Variants in LHCGR observed in about 807,000 individuals in gnomAD.
The protein encoded by LHCGR is luteinizing hormone/choriogonadotropin receptor.
Under a neutral mutation model 60.7 loss-of-function variants are expected in LHCGR, and 55 were observed. The ratio of observed to expected loss-of-function variants is 0.91; its 90% CI spans 0.73 to 1.13. The LOEUF (loss-of-function observed/expected upper bound fraction) is 1.13. Ranked by LOEUF, LHCGR falls within the 50% of genes most tolerant of loss-of-function variation. LHCGR has a pLI of 0.00. For missense variants in LHCGR, 862 were observed against 836.0 expected (o/e 1.03, Z -0.38); for synonymous variants, 337 against 316.5 (o/e 1.06, Z -0.69).
At position 48,749,765 on chromosome 2, in the gene LHCGR, C is replaced by T. The variant is rs775842690; in HGVS notation, c.161+5746G>A. On this transcript the variant is annotated intron_variant, in intron 1 of 10. Coordinates refer to ENST00000294954, the MANE Select transcript of LHCGR (RefSeq NM_000233.4). ...AAGAAAAACCCAAGGAATTACTACT[C>T]TCCAAGGAGGGAGCTGGGTCCAATG... Among the ~76,000 whole-genome samples, 6 of 151,430 alleles carry T rather than the reference C, an allele frequency of 4.0e-5. No homozygotes were observed. The South Asian group carries it at 8.4e-4, about 21-fold the overall frequency.
chr2:48,748,819 G>A (rs1210958969), intron 1 of LHCGR, among the ~76,000 whole-genome samples: 1 of 152,132 alleles, frequency 6.6e-6, no homozygotes, highest in African/African-American at 2.4e-5. Context: ...TTTACAGACA[G>A]CAAAGAGATT....
intron 8 of LHCGR, among the ~76,000 whole-genome samples, chr2:48,707,452 C>T (rs754315953): frequency 6.6e-6 from 1 of 152,262 alleles, no homozygotes; most frequent in Non-Finnish European, 1.5e-5. Flanking sequence ...CTCTTCAGAG[C>T]TGTCAGGCAG....
At chr2:48,696,603 A>G (rs918294354) in intron 9 of LHCGR, among the ~76,000 whole-genome samples, 2 of 152,188 alleles carry the variant, frequency 1.3e-5, no homozygotes, top group Non-Finnish European at 2.9e-5. Context: ...ATAAATGAAA[A>G]TAAGCCACAC....
At position 48,749,088 on chromosome 2, in the gene LHCGR, A is replaced by T. The variant is rs4074647; in HGVS notation, c.161+6423T>A. On this transcript the variant is annotated intron_variant, in intron 1 of 10. Transcript: ENST00000294954. Reference sequence around the variant, plus strand: ...AAGGACAAGTGTAACAGCAGCAAGGAATTAAATCTTCATTCTGAAAGTTGA... The same window carrying T: ...AAGGACAAGTGTAACAGCAGCAAGGTATTAAATCTTCATTCTGAAAGTTGA... Among the ~76,000 whole-genome samples, 5 of 152,246 alleles carry T rather than the reference A, an allele frequency of 3.3e-5. No homozygotes were observed. The East Asian group carries it at 5.8e-4, about 18-fold the overall frequency.
intron 3 of LHCGR, 32 bp downstream of exon 3, chr2:48,729,121 C>T: frequency 1.3e-6 from 2 of 1,506,824 alleles, no homozygotes; most frequent in South Asian, 1.1e-5. Flanking sequence ...TAATAGTGTA[C>T]AGCAGTAAAC....
intron 7 of LHCGR, among the ~76,000 whole-genome samples, chr2:48,713,261 T>A (rs771279293): frequency 6.6e-6 from 1 of 152,196 alleles, no homozygotes; most frequent in Non-Finnish European, 1.5e-5. Context: ...AATTTTGGCT[T>A]TAATCGAACT....
chr2:48,743,886 A>G (rs1164099218), intron 1 of LHCGR, among the ~76,000 whole-genome samples: 7 of 151,912 alleles, frequency 4.6e-5, no homozygotes, highest in Non-Finnish European at 8.8e-5. Context: ...TTCAATTAGG[A>G]AAAGAGGAAG....
intron 8 of LHCGR, among the ~76,000 whole-genome samples, chr2:48,701,292 C>T (rs1008105663): frequency 6.6e-6 from 1 of 152,056 alleles, no homozygotes; most frequent in African/African-American, 2.4e-5. Context: ...CTCCCCATCT[C>T]ATTAAAAAAA....
chr2:48,712,489 C>T (rs1271108263), intron 7 of LHCGR, among the ~76,000 whole-genome samples: 1 of 152,076 alleles, frequency 6.6e-6, no homozygotes, highest in Non-Finnish European at 1.5e-5. Flanking sequence ...CCAGAGTGAA[C>T]ACTTCATTAA....
rs77494436 is a variant in LHCGR at position 48,728,590 on chromosome 2, T to A, written c.308+563A>T. Among the ~76,000 whole-genome samples, 135 of 152,310 alleles carry A rather than the reference T, an allele frequency of 8.9e-4. No homozygotes were observed. The East Asian group carries it at 0.024, about 27-fold the overall frequency. On this transcript the variant is annotated intron_variant, in intron 3 of 10. Coordinates refer to ENST00000294954, the MANE Select transcript of LHCGR (RefSeq NM_000233.4). ...ACAGATTCATCACTTGAAAACTGAA[T>A]TGAACCAGTCTTTTCCTATCCTTTT...
At chr2:48,742,255 A>C (rs1387426021) in intron 1 of LHCGR, among the ~76,000 whole-genome samples, 1 of 152,054 alleles carries the variant, frequency 6.6e-6, no homozygotes, top group African/African-American at 2.4e-5. Context: ...AGACTTTAAC[A>C]CCCCACTGTC....
intron 1 of LHCGR, among the ~76,000 whole-genome samples, chr2:48,754,272 C>A (rs557496124): frequency 4.6e-5 from 7 of 152,334 alleles, no homozygotes; most frequent in African/African-American, 1.7e-4. Flanking sequence ...CCTGGCCTGG[C>A]AGGGAGGGTG....
chr2:48,713,074 A>T (rs192993453), intron 7 of LHCGR, among the ~76,000 whole-genome samples: 64 of 152,280 alleles, frequency 4.2e-4, no homozygotes, highest in Admixed American at 3.4e-3. Context: ...TAAAATTGCA[A>T]ATTCTCAGGC....
chr2:48,697,408 A>T (rs1667170763), intron 9 of LHCGR, among the ~76,000 whole-genome samples: 1 of 152,216 alleles, frequency 6.6e-6, no homozygotes. Flanking sequence ...TGTTGCTCCC[A>T]TACAGCTGTC....
intron 8 of LHCGR, among the ~76,000 whole-genome samples, chr2:48,700,842 G>A (rs1423904857): frequency 6.6e-6 from 1 of 152,170 alleles, no homozygotes; most frequent in Non-Finnish European, 1.5e-5. Context: ...GGGTTGAGTG[G>A]ATATTAGAGG....
At chr2:48,729,094 G>T in intron 3 of LHCGR, 59 bp downstream of exon 3, 1 of 1,267,184 alleles carries the variant, frequency 7.9e-7, no homozygotes, top group Non-Finnish European at 1.2e-6. Context: ...TACCAAGTGG[G>T]CTCCAGCCAG....
At chr2:48,713,586 G>A (rs571667841) in intron 7 of LHCGR, among the ~76,000 whole-genome samples, 1 of 152,292 alleles carries the variant, frequency 6.6e-6, no homozygotes, top group South Asian at 2.1e-4. Flanking sequence ...TGGGTCTGTT[G>A]TGGCTGACAA....
chr2:48,688,350 C>T lies in LHCGR; in HGVS notation c.1447G>A (p.Ala483Thr). 1 of 1,614,124 alleles carries T rather than the reference C, an allele frequency of 6.2e-7. No individual in the cohort carries two copies. ...CATCCTCCAAGCATAATCAGAATGG[C>T]ATGTCTTAATCGCAGCTTTTGGTCC... ...HLDQKLRLRH[A>T]ILIMLGGWLF... The change falls in exon 11 of 11, where the codon GCC (alanine) becomes ACC (threonine). Residue 483 changes from alanine (A) to threonine (T), a missense_variant. Physicochemically the swap from Ala to Thr is moderately conservative, Grantham distance 58 (BLOSUM62 0). Coordinates refer to ENST00000294954, the MANE Select transcript of LHCGR (RefSeq NM_000233.4). The surrounding 1 kb of genome is among the most constrained non-coding windows in gnomAD (Gnocchi z 5.2).
chr2:48,755,298 T>C (rs1277611007), intron 1 of LHCGR, among the ~76,000 whole-genome samples: 1 of 151,914 alleles, frequency 6.6e-6, no homozygotes, highest in Non-Finnish European at 1.5e-5. Context: ...GGGTAAAGAA[T>C]GGGGCTGGGG....
Sources: allele counts gnomAD v4.1 joint callset (sites outside exome capture counted in the v4.1 genomes callset), GRCh38; gene constraint gnomAD v4.1.1; non-coding constraint Gnocchi (gnomAD v3.1); transcripts MANE v1.5; gene names NCBI Gene and HGNC (gene_info 2026-07-23, HGNC 2026-07-21).